TCEA2: variants seen among roughly 807,000 people sequenced by gnomAD.
TCEA2 encodes transcription elongation factor A2.
In TCEA2, 21 loss-of-function variants were observed where a neutral mutation model predicts 40.8. The observed-to-expected ratio is 0.51, with a 90% CI of 0.36 to 0.74. The LOEUF (loss-of-function observed/expected upper bound fraction) is 0.74, where lower values mean the gene tolerates loss of function less well. TCEA2 is among the 30% of genes least tolerant of loss of function. The pLI, the probability that TCEA2 is intolerant of heterozygous loss-of-function variation, is 0.00. For synonymous variants in TCEA2, 165 were observed against 162.7 expected (o/e 1.01, Z -0.11); for missense variants, 326 against 426.5 (o/e 0.76, Z 2.08).
rs2059854493 is a variant in TCEA2 at position 64,072,157 on chromosome 20, C to T, written c.892-15C>T. 1.2e-6 allele frequency: 2 copies of T among 1,613,320 alleles called. No individual in the cohort carries two copies. The highest frequency in any genetic ancestry group is 2.2e-5 in the South Asian group (2 of 90,998). Reference sequence around the variant, plus strand: ...TGTGGCCACAAGGCTGGAGGCCTCACCCCCTTTCTCGCAGTTCTGCTGACC... The same window carrying T: ...TGTGGCCACAAGGCTGGAGGCCTCATCCCCTTTCTCGCAGTTCTGCTGACC... On this transcript the variant is annotated splice_polypyrimidine_tract_variant and intron_variant, in intron 9 of 9. Transcript: ENST00000343484.
chr20:64,058,234 A>G (rs1040570309), upstream of TCEA2, among the ~76,000 whole-genome samples: 7 of 152,168 alleles, frequency 4.6e-5, no homozygotes, highest in Non-Finnish European at 1.0e-4. The surrounding 1 kb of genome is among the most constrained non-coding windows in gnomAD (Gnocchi z 6.7). Context: ...CCCTGCCATG[A>G]ACCAGGCCAC....
intron 1 of TCEA2, 56 bp from the exon 2 acceptor site, chr20:64,066,420 T>G: frequency 5.5e-5 from 86 of 1,574,948 alleles, no homozygotes; most frequent in Non-Finnish European, 7.3e-5. Flanking sequence ...CAGAAGGAGG[T>G]GATATTGTCT....
In TCEA2 at chr20:64,063,275, C is replaced by T. The variant is rs757089273; in HGVS notation, c.-38C>T. 1 of 1,506,166 alleles carries T rather than the reference C, an allele frequency of 6.6e-7. No homozygotes were observed. Among genetic ancestry groups the T allele is most frequent in the Non-Finnish European group, 8.9e-7 (1 of 1,129,930 alleles). 93.3% of individuals were successfully genotyped at this position (1,506,166 alleles called of 1,614,324 possible). ...CCGGGGTCCTGCCCGGCTGCGGAGG[C>T]GGGCGCGACGGGCGCGGGGGTCGCT... On this transcript the variant is annotated 5_prime_UTR_variant, in exon 1 of 10. Coordinates refer to ENST00000343484, the MANE Select transcript of TCEA2 (RefSeq NM_003195.6).
At chr20:64,060,034 A>T (rs1352567883), upstream of TCEA2, among the ~76,000 whole-genome samples, 4 of 152,172 alleles carry the variant, frequency 2.6e-5, no homozygotes, top group Non-Finnish European at 5.9e-5. Flanking sequence ...ACTGCGGCGT[A>T]TGCACAACTG....
chr20:64,069,173 C>T (rs2059766071), intron 4 of TCEA2, among the ~76,000 whole-genome samples, 188 bp from the exon 5 acceptor site: 1 of 152,234 alleles, frequency 6.6e-6, no homozygotes, highest in Non-Finnish European at 1.5e-5. Flanking sequence ...CTGCTGGGCA[C>T]ACCCCATGGA....
upstream of TCEA2, among the ~76,000 whole-genome samples, chr20:64,062,134 A>G (rs1187468549): frequency 6.6e-6 from 1 of 152,202 alleles, no homozygotes; most frequent in Non-Finnish European, 1.5e-5. Flanking sequence ...TGCTCAGCCC[A>G]TTCCACCTGC....
rs1388822105 is a variant in TCEA2 at position 64,070,257 on chromosome 20, C to G, written c.518-3C>G. On this transcript the variant is annotated splice_region_variant and splice_polypyrimidine_tract_variant and intron_variant, in intron 6 of 9. Transcript: ENST00000343484. ...CTCAGGTGGGTCCTTAAAACACTTG[C>G]ACGCATCTTCCGGGACGTTGGAAAC... 1.2e-6 allele frequency: 2 copies of G among 1,613,914 alleles called. No homozygotes were observed. The highest frequency in any genetic ancestry group is 2.2e-5 in the East Asian group (1 of 44,904).
upstream of TCEA2, among the ~76,000 whole-genome samples, chr20:64,060,116 G>A (rs1413547176): frequency 6.6e-6 from 1 of 152,184 alleles, no homozygotes; most frequent in Admixed American, 6.5e-5. Flanking sequence ...TCCACTCTTA[G>A]GAACTTGCAG....
At position 64,070,397 on chromosome 20, in the gene TCEA2, G is replaced by A. The variant is rs146503371; in HGVS notation, c.655G>A (p.Ala219Thr). 4 of 1,614,060 alleles carry A rather than the reference G, an allele frequency of 2.5e-6. No homozygotes were observed. Among genetic ancestry groups the A allele is most frequent in the South Asian group, 1.1e-5 (1 of 91,094 alleles). Residue 219 changes from alanine (A) to threonine (T), a missense_variant, in exon 7 of 10, where the codon GCT becomes ACT. Physicochemically the swap from Ala to Thr is moderately conservative, Grantham distance 58. Transcript: ENST00000343484. The stretch of plus-strand genomic sequence containing the variant: ...TGGGGCCATAACACCCCAGCAGATC[G>A]CTGTGATGACCTCAGAGGTGAGCCC... ...LCGAITPQQI[A>T]VMTSEEMASD... is the part of the protein sequence containing the mutation.
chr20:64,070,237 G>A, intron 6 of TCEA2, 23 bp from the exon 7 acceptor site: 2 of 1,613,130 alleles, frequency 1.2e-6, no homozygotes, highest in Non-Finnish European at 8.5e-7. Context: ...TTGTCCTCAG[G>A]TGGGTCCTTA....
upstream of TCEA2, among the ~76,000 whole-genome samples, chr20:64,056,479 A>T (rs2059474394): frequency 6.6e-6 from 1 of 151,766 alleles, no homozygotes; most frequent in Non-Finnish European, 1.5e-5. Flanking sequence ...AGGGGCGCAG[A>T]GACGGCTCCT....
upstream of TCEA2, among the ~76,000 whole-genome samples, chr20:64,058,334 G>C (rs1425583137): frequency 6.6e-6 from 1 of 152,218 alleles, no homozygotes; most frequent in Non-Finnish European, 1.5e-5. This position sits in a 1 kb window ranked among gnomAD's most constrained non-coding sequence, Gnocchi z 6.7. Flanking sequence ...ACCCCTTCCT[G>C]AGGGATCCCC....
In TCEA2 at chr20:64,072,274, C is replaced by A; in HGVS notation, c.*94C>A. ...TGGAGACCCTAGAAGGCGGCATGTC[C>A]TGCCCTCAACCTGCCTGCCTGGATT... is the stretch of plus-strand genomic sequence containing the variant. On this transcript the variant is annotated 3_prime_UTR_variant, in exon 10 of 10. Coordinates refer to ENST00000343484, the MANE Select transcript of TCEA2 (RefSeq NM_003195.6). 7.1e-7 allele frequency: 1 copy of A among 1,403,474 alleles called. No individual in the cohort carries two copies. The highest frequency in any genetic ancestry group is 9.9e-7 in the Non-Finnish European group (1 of 1,013,656). 86.9% of individuals were successfully genotyped at this position (1,403,474 alleles called of 1,614,324 possible).
At chr20:64,068,015 C>T in intron 3 of TCEA2, 32 bp from the exon 4 acceptor site, 1 of 1,564,706 alleles carries the variant, frequency 6.4e-7, no homozygotes, top group South Asian at 1.2e-5. Context: ...TCTGCCTCCC[C>T]TTGATCAGCC....
chr20:64,063,035 C>G (rs1017039400), upstream of TCEA2: 1 of 233,134 alleles, frequency 4.3e-6, no homozygotes, highest in Non-Finnish European at 8.2e-6. Flanking sequence ...GACGGTGGGT[C>G]AGGACTACAC....
Position 64,070,638 on chromosome 20 carries a change from G to A in TCEA2, c.819+3G>A, listed in dbSNP as rs2059806554. Reference sequence around the variant, plus strand: ...AAAAGAACTGCACCTACACACAGGTGAGCGGCCGCTGGGCACCCTCCCCCG... The same window carrying A: ...AAAAGAACTGCACCTACACACAGGTAAGCGGCCGCTGGGCACCCTCCCCCG... On this transcript the variant is annotated splice_donor_region_variant and intron_variant, in intron 8 of 9. Coordinates refer to ENST00000343484, the MANE Select transcript of TCEA2 (RefSeq NM_003195.6). 1 of 1,563,064 alleles carries A rather than the reference G, an allele frequency of 6.4e-7. No homozygotes were observed. The highest frequency in any genetic ancestry group is 1.9e-5 in the Admixed American group (1 of 52,842).
rs375173974 is a variant in TCEA2 at position 64,063,376 on chromosome 20, A to G, written c.64A>G (p.Lys22Glu). 60 of 1,547,370 alleles carry G rather than the reference A, an allele frequency of 3.9e-5. No individual in the cohort carries two copies. The highest frequency in any genetic ancestry group is 5.1e-5 in the Non-Finnish European group (58 of 1,146,524). The change falls in exon 1 of 10, where the codon AAG becomes GAG. Residue 22 changes from lysine to glutamate, a missense_variant. Transcript: ENST00000343484. ...ARRLDKMVTK[K>E]SAEGAMDLLR... Reference sequence around the variant, plus strand: ...GAGGCTGGACAAGATGGTGACCAAGAAGAGCGCGGTGAGGGGCGCGGGCCG... The same window carrying G: ...GAGGCTGGACAAGATGGTGACCAAGGAGAGCGCGGTGAGGGGCGCGGGCCG...
intron 3 of TCEA2, 118 bp downstream of exon 3, chr20:64,067,138 A>G: frequency 9.8e-7 from 1 of 1,021,202 alleles, no homozygotes. Flanking sequence ...GTCGCTTGGG[A>G]GTGGGGCAGT....
intron 4 of TCEA2, among the ~76,000 whole-genome samples, chr20:64,068,718 G>A (rs2059754020): frequency 6.6e-6 from 1 of 152,258 alleles, no homozygotes; most frequent in South Asian, 2.1e-4. Flanking sequence ...GGACACCTTT[G>A]CAAGTTGATT....
Sources: allele counts gnomAD v4.1 joint callset (sites outside exome capture counted in the v4.1 genomes callset), GRCh38; gene constraint gnomAD v4.1.1; non-coding constraint Gnocchi (gnomAD v3.1); transcripts MANE v1.5; gene names NCBI Gene and HGNC (gene_info 2026-07-23, HGNC 2026-07-21).